PCSK6: variants seen among roughly 807,000 people sequenced by gnomAD.
PCSK6 encodes the protein paired basic amino acid cleaving enzyme 4.
PCSK6 carries 85 observed loss-of-function variants against 123.3 expected under a neutral mutation model. That is an observed-to-expected ratio of 0.69 (90% CI 0.58 to 0.83). PCSK6 has a LOEUF of 0.83. PCSK6 is among the 40% of genes least tolerant of loss of function. The pLI, the probability that PCSK6 is intolerant of heterozygous loss-of-function variation, is 0.00. For missense variants in PCSK6, 1,191 were observed against 1,282.3 expected, an observed-to-expected ratio of 0.93 and a Z score of 1.09; for synonymous variants, 508 against 516.0, an observed-to-expected ratio of 0.98 and a Z score of 0.21.
chr15:101,376,978 G>A (rs568214740), intron 11 of PCSK6, among the ~76,000 whole-genome samples: 1 of 152,234 alleles, frequency 6.6e-6, no homozygotes, highest in Non-Finnish European at 1.5e-5. Context: ...AGGTGAGGAG[G>A]GGATGGGAGG....
intron 13 of PCSK6, among the ~76,000 whole-genome samples, 191 bp from the exon 14 acceptor site, chr15:101,332,222 A>G (rs980478000): frequency 6.6e-6 from 1 of 152,090 alleles, no homozygotes; most frequent in African/African-American, 2.4e-5. Context: ...CCAGTGTCTC[A>G]TTCCTGCAAG....
In PCSK6 at chr15:101,430,733, G is replaced by A. The variant is rs576720175; in HGVS notation, c.657+587C>T. Among the ~76,000 whole-genome samples, 13 of 152,262 alleles carry A rather than the reference G, an allele frequency of 8.5e-5. No individual in the cohort carries two copies. The East Asian group carries it at 1.2e-3, about 14-fold the overall frequency. On this transcript the variant is annotated intron_variant, in intron 4 of 21. Transcript: ENST00000611716. ...ATACAATATGGTTTACTTAATCACC[G>A]GTAGGTGCCCAAGTCCCTTAGAGTA...
intron 10 of PCSK6, among the ~76,000 whole-genome samples, chr15:101,382,738 G>A (rs79011369): frequency 0.028 from 4,269 of 152,122 alleles, 215 homozygotes; most frequent in African/African-American, 0.099. Context: ...GAACTGGCCC[G>A]GTCCAGTATT....
chr15:101,461,305 A>G (rs1009734810), intron 1 of PCSK6, among the ~76,000 whole-genome samples: 2 of 152,202 alleles, frequency 1.3e-5, no homozygotes, highest in Non-Finnish European at 2.9e-5. Flanking sequence ...TTATGAAACC[A>G]CTAACTAAAA....
At chr15:101,391,675 G>A (rs941281068) in intron 8 of PCSK6, among the ~76,000 whole-genome samples, 9 of 152,190 alleles carry the variant, frequency 5.9e-5, no homozygotes, top group Admixed American at 2.0e-4. Flanking sequence ...GGTTGTGATC[G>A]CCATCACAGG....
intron 1 of PCSK6, among the ~76,000 whole-genome samples, chr15:101,478,354 T>C (rs1376109150): frequency 6.6e-6 from 1 of 152,082 alleles, no homozygotes; most frequent in Non-Finnish European, 1.5e-5. Flanking sequence ...GAGGACCCAG[T>C]TGCTATTCTA....
At chr15:101,405,696 CA>C (rs2042753295) in intron 6 of PCSK6, among the ~76,000 whole-genome samples, 1 of 149,910 alleles carries the variant, frequency 6.7e-6, no homozygotes, top group South Asian at 2.1e-4. Flanking sequence ...AAAAAAAAAA[CA>C]AAGCCACTTT....
At chr15:101,326,587 G>C in intron 15 of PCSK6, 108 bp from the exon 16 acceptor site, 2 of 1,084,628 alleles carry the variant, frequency 1.8e-6, no homozygotes, top group Non-Finnish European at 2.7e-6. Flanking sequence ...GTTGGGAGAC[G>C]CTCCCAGGCC....
chr15:101,391,720 A>G (rs1002639425), intron 8 of PCSK6, among the ~76,000 whole-genome samples: 1 of 152,196 alleles, frequency 6.6e-6, no homozygotes, highest in East Asian at 1.9e-4. Context: ...TATGTCGACT[A>G]TCCTGAGCAG....
intron 1 of PCSK6, among the ~76,000 whole-genome samples, chr15:101,478,236 A>T (rs2141255346): frequency 6.6e-6 from 1 of 152,216 alleles, no homozygotes; most frequent in Non-Finnish European, 1.5e-5. Flanking sequence ...TCATCTGTGT[A>T]ATGGGATTAA....
chr15:101,453,010 T>G (rs1282770027), intron 1 of PCSK6, among the ~76,000 whole-genome samples: 4 of 152,184 alleles, frequency 2.6e-5, no homozygotes, highest in African/African-American at 7.2e-5. Context: ...TAAAAGAAAT[T>G]TTTAATTGTA....
intron 6 of PCSK6, among the ~76,000 whole-genome samples, chr15:101,400,540 A>C (rs2042557561): frequency 6.6e-6 from 1 of 152,212 alleles, no homozygotes; most frequent in African/African-American, 2.4e-5. Flanking sequence ...AGGTTAAAAG[A>C]GGTGGTGCAG....
chr15:101,304,611 G>A lies in PCSK6; in HGVS notation c.*647C>T, dbSNP rs374657690. The A allele has an allele frequency of 6.6e-6, 1 of 152,348 alleles. No individual in the cohort carries two copies. The highest frequency in any genetic ancestry group is 2.4e-5 in the African/African-American group (1 of 41,434). 9.4% of individuals were successfully genotyped at this position (152,348 alleles called of 1,614,324 possible). A position where few individuals can be genotyped will look rare whatever the true frequency, so the allele number is the denominator to read the frequency against. On this transcript the variant is annotated 3_prime_UTR_variant, in exon 22 of 22. Coordinates refer to ENST00000611716, the MANE Select transcript of PCSK6 (RefSeq NM_002570.5). ...CTTGCTCAAAGGAGAGCGCTGCGGG[G>A]GATAGAATCTTCTGGTCTGGCTTTG... is the stretch of plus-strand genomic sequence containing the variant.
chr15:101,451,140 C>T (rs927463592), intron 1 of PCSK6, among the ~76,000 whole-genome samples: 1 of 152,052 alleles, frequency 6.6e-6, no homozygotes, highest in Admixed American at 6.5e-5. Context: ...TCAGTGGGCG[C>T]TGCCAGCTCG....
chr15:101,459,291 C>A (rs899855487), intron 1 of PCSK6, among the ~76,000 whole-genome samples: 1 of 152,166 alleles, frequency 6.6e-6, no homozygotes, highest in African/African-American at 2.4e-5. Flanking sequence ...ATCCTGTTGC[C>A]CAGCTGTAAG....
chr15:101,452,264 C>T (rs11858558), intron 1 of PCSK6, among the ~76,000 whole-genome samples: 4,741 of 152,220 alleles, frequency 0.031, 230 homozygotes, highest in African/African-American at 0.11. Flanking sequence ...CGGATGAGAA[C>T]GTTTAATTTC....
intron 6 of PCSK6, among the ~76,000 whole-genome samples, chr15:101,411,771 C>T (rs1427499712): frequency 3.3e-5 from 5 of 152,308 alleles, no homozygotes; most frequent in South Asian, 2.1e-4. Flanking sequence ...CATGCGAGGA[C>T]GAAATGAGGT....
intron 1 of PCSK6, among the ~76,000 whole-genome samples, chr15:101,481,378 G>C (rs1263482782): frequency 6.6e-6 from 1 of 152,052 alleles, no homozygotes; most frequent in Non-Finnish European, 1.5e-5. Flanking sequence ...GCTGAGGGGC[G>C]AACCTGGTGA....
At position 101,313,465 on chromosome 15, in the gene PCSK6, G is replaced by T. The variant is rs1286456630; in HGVS notation, c.2610C>A (p.Phe870Leu). 1 of 1,610,574 alleles carries T rather than the reference G, an allele frequency of 6.2e-7. No individual in the cohort carries two copies. Among genetic ancestry groups the T allele is most frequent in the Non-Finnish European group, 8.5e-7 (1 of 1,179,690 alleles). ...REECIHCAKN[F>L]HFHDWKCVPA... ...GCACACACTTCCAGTCGTGGAAGTG[G>T]AAGTTTTTCGCACAGTGAATGCACT... The change falls in exon 20 of 22, where the codon TTC becomes TTA. Residue 870 changes from phenylalanine to leucine, a missense_variant. Phe to Leu is a conservative substitution (Grantham distance 22, BLOSUM62 0). Coordinates refer to ENST00000611716, the MANE Select transcript of PCSK6 (RefSeq NM_002570.5).
Sources: gnomAD v4.1 joint callset for allele counts (sites outside exome capture counted in the v4.1 genomes callset) on GRCh38, gnomAD v4.1.1 for gene constraint, MANE v1.5 for transcripts, NCBI Gene and HGNC (gene_info 2026-07-23, HGNC 2026-07-21) for gene names.